The following NTM variants were observed in gnomAD, a reference collection of about 807,000 sequenced individuals.
NTM encodes the protein neurotrimin.
In NTM, 13 loss-of-function variants were observed where a neutral mutation model predicts 42.1. That is an observed-to-expected ratio of 0.31 (90% CI 0.20 to 0.49). NTM has a LOEUF of 0.49. Among genes scored for constraint, NTM ranks in the 20% least tolerant of loss-of-function variants. NTM has a pLI of 0.99. For missense variants in NTM, 373 were observed against 452.8 expected, an observed-to-expected ratio of 0.82 and a Z score of 1.60; for synonymous variants, 187 against 179.2, an observed-to-expected ratio of 1.04 and a Z score of -0.35.
At chr11:131,631,463 G>A (rs1195072763) in intron 1 of NTM, among the ~76,000 whole-genome samples, 1 of 151,988 alleles carries the variant, frequency 6.6e-6, no homozygotes, top group Non-Finnish European at 1.5e-5. Context: ...TAAAAGTCCT[G>A]TCTTATGTTA....
At position 132,315,340 on chromosome 11, in the gene NTM, C is replaced by T. The variant is rs546197340; in HGVS notation, c.934+637C>T. ...AAACCCTGATGCCTGCCCCTGCTAG[C>T]AGACAGCTGTGCAGACATGAGCCTG... On this transcript the variant is annotated intron_variant, in intron 7 of 8. Transcript: ENST00000683400. Among the ~76,000 whole-genome samples, 16 of 152,318 alleles carry T rather than the reference C, an allele frequency of 1.1e-4. 1 individual carries two copies. In the South Asian group the frequency reaches 3.3e-3, roughly 32 times the overall value.
intron 1 of NTM, among the ~76,000 whole-genome samples, chr11:131,722,044 G>A (rs1002507118): frequency 7.4e-6 from 1 of 135,574 alleles, no homozygotes; most frequent in African/African-American, 2.8e-5. Flanking sequence ...AGAAAATAAT[G>A]CTTGTAAAGC....
intron 2 of NTM, among the ~76,000 whole-genome samples, chr11:131,948,746 A>G (rs990864616): frequency 1.3e-5 from 2 of 152,172 alleles, no homozygotes; most frequent in Non-Finnish European, 2.9e-5. Context: ...AAATGGCCCC[A>G]CCGCCCCAGT....
intron 1 of NTM, among the ~76,000 whole-genome samples, chr11:131,775,506 C>G (rs1026053952): frequency 6.6e-6 from 1 of 152,116 alleles, no homozygotes; most frequent in Non-Finnish European, 1.5e-5. Flanking sequence ...TTTAGTTGCT[C>G]TTATTTAATA....
At chr11:131,497,784 T>A (rs1230023137) in intron 1 of NTM, among the ~76,000 whole-genome samples, 1 of 152,214 alleles carries the variant, frequency 6.6e-6, no homozygotes, top group Non-Finnish European at 1.5e-5. Flanking sequence ...TTGTTCTTTA[T>A]GTCTCCTTGC....
intron 1 of NTM, among the ~76,000 whole-genome samples, chr11:131,856,175 T>C (rs2046078913): frequency 7.7e-6 from 1 of 129,296 alleles, no homozygotes; most frequent in Non-Finnish European, 1.7e-5. Context: ...TCATCCTTTC[T>C]TTCACTCTTT....
chr11:131,511,813 G>A (rs1211328496), intron 1 of NTM, among the ~76,000 whole-genome samples: 1 of 152,080 alleles, frequency 6.6e-6, no homozygotes, highest in African/African-American at 2.4e-5. Flanking sequence ...GCACAAATGG[G>A]GCATTTGCTC....
intron 3 of NTM, among the ~76,000 whole-genome samples, chr11:132,199,737 AT>A (rs573130342): frequency 2.0e-4 from 30 of 149,830 alleles, no homozygotes; most frequent in East Asian, 5.9e-4. Flanking sequence ...TTCACTTGTA[AT>A]TTTTTTTTTA....
chr11:132,099,196 A>T (rs1397772869), intron 2 of NTM, among the ~76,000 whole-genome samples: 1 of 152,186 alleles, frequency 6.6e-6, no homozygotes, highest in Non-Finnish European at 1.5e-5. Context: ...TGACCAAGAA[A>T]GGGAGCTTGG....
At chr11:131,802,288 G>C (rs1329870228) in intron 1 of NTM, among the ~76,000 whole-genome samples, 1 of 151,644 alleles carries the variant, frequency 6.6e-6, no homozygotes, top group Non-Finnish European at 1.5e-5. Flanking sequence ...TTCCTTTCTT[G>C]TTTCCTTTCC....
chr11:131,640,697 C>T (rs1026153702), intron 1 of NTM, among the ~76,000 whole-genome samples: 2 of 152,116 alleles, frequency 1.3e-5, no homozygotes, highest in African/African-American at 2.4e-5. Flanking sequence ...TGGGAATTAC[C>T]CATGAAGGGT....
At chr11:131,420,025 TCTCACGTAGCAATTG>T (rs1409324435) in intron 1 of NTM, among the ~76,000 whole-genome samples, 1 of 152,130 alleles carries the variant, frequency 6.6e-6, no homozygotes, top group Non-Finnish European at 1.5e-5. Flanking sequence ...CGTGTCCTCC[TCTCACGTAGCAATTG>T]CTCAATGGCG....
chr11:131,398,556 T>A (rs563667327), intron 1 of NTM, among the ~76,000 whole-genome samples: 20 of 152,372 alleles, frequency 1.3e-4, no homozygotes, highest in African/African-American at 4.3e-4. Context: ...ATTGGTTTCA[T>A]TATATTACAT....
At chr11:131,447,235 C>T (rs936790396) in intron 1 of NTM, among the ~76,000 whole-genome samples, 13 of 152,106 alleles carry the variant, frequency 8.5e-5, no homozygotes, top group Non-Finnish European at 1.3e-4. Flanking sequence ...TGGAGTGCCT[C>T]GGATGTGATT....
At chr11:132,245,501 C>T (rs1015283404) in intron 4 of NTM, among the ~76,000 whole-genome samples, 1 of 152,084 alleles carries the variant, frequency 6.6e-6, no homozygotes, top group African/African-American at 2.4e-5. Flanking sequence ...GCAAGCGGAG[C>T]ATTTTATGCA....
chr11:132,236,917 C>T (rs2089069080), intron 4 of NTM, among the ~76,000 whole-genome samples: 1 of 152,202 alleles, frequency 6.6e-6, no homozygotes. Flanking sequence ...GGGGACACCA[C>T]ATGGCGAGAC....
chr11:131,620,096 C>T (rs181889982), intron 1 of NTM, among the ~76,000 whole-genome samples: 1 of 152,194 alleles, frequency 6.6e-6, no homozygotes, highest in East Asian at 1.9e-4. Context: ...AGCCACTGCA[C>T]TTGGCACCAC....
intron 1 of NTM, among the ~76,000 whole-genome samples, chr11:131,682,369 G>T (rs962222035): frequency 2.6e-5 from 4 of 152,188 alleles, no homozygotes; most frequent in African/African-American, 9.7e-5. Context: ...GCCACAGGGG[G>T]TGTTCTGCAA....
chr11:131,489,282 T>TC lies in NTM; in HGVS notation c.82+118398dup, dbSNP rs552084044. Among the ~76,000 whole-genome samples, 206 of 152,304 alleles carry TC rather than the reference T, an allele frequency of 1.4e-3. 2 individuals are homozygous for TC. Among genetic ancestry groups the TC allele is most frequent in the Non-Finnish European group, 2.3e-3 (159 of 68,030 alleles). Reference sequence around the variant, plus strand: ...GAATAACTTTCTCAGCTTGCTTTTTTCCCCGTAGAAAGCTTGTGACTCAAA... The same window carrying TC: ...GAATAACTTTCTCAGCTTGCTTTTTTCCCCCGTAGAAAGCTTGTGACTCAAA... On this transcript the variant is annotated intron_variant, in intron 1 of 8. Transcript: ENST00000683400.
Sources: gnomAD v4.1 joint callset for allele counts (sites outside exome capture counted in the v4.1 genomes callset) on GRCh38, gnomAD v4.1.1 for gene constraint, MANE v1.5 for transcripts, NCBI Gene and HGNC (gene_info 2026-07-23, HGNC 2026-07-21) for gene names.